The following CNTN4 variants were observed in gnomAD, a reference collection of about 807,000 sequenced individuals.
The protein encoded by CNTN4 is contactin 4, also known as contactin-4.
A neutral mutation model predicts 122.5 loss-of-function variants in CNTN4; 77 were observed. The ratio of observed to expected loss-of-function variants is 0.63; its 90% CI spans 0.52 to 0.76. The LOEUF (loss-of-function observed/expected upper bound fraction) is 0.76, where lower values mean the gene tolerates loss of function less well. Ranked by LOEUF, CNTN4 falls within the 30% of genes least tolerant of loss-of-function variation. The pLI is 0.00. For synonymous variants in CNTN4, 512 were observed against 447.0 expected (o/e 1.15, Z -1.83); for missense variants, 1,256 against 1,259.1 (o/e 1.00, Z 0.04).
At chr3:2,220,124 T>C (rs896191144) in intron 2 of CNTN4, among the ~76,000 whole-genome samples, 1 of 152,184 alleles carries the variant, frequency 6.6e-6, no homozygotes, top group African/African-American at 2.4e-5. Flanking sequence ...CATGTTCTTT[T>C]ACTTTCACTG....
intron 7 of CNTN4, among the ~76,000 whole-genome samples, chr3:2,830,084 C>G (rs1228006646): frequency 4.6e-5 from 7 of 152,062 alleles, no homozygotes; most frequent in Non-Finnish European, 1.5e-5. Flanking sequence ...AATTCTTTTT[C>G]TGTCTCCTTT....
At chr3:2,429,580 G>A (rs1299689716) in intron 3 of CNTN4, among the ~76,000 whole-genome samples, 2 of 152,200 alleles carry the variant, frequency 1.3e-5, no homozygotes, top group African/African-American at 4.8e-5. Context: ...CAAACTCCGT[G>A]CTGGGAGAAC....
intron 3 of CNTN4, among the ~76,000 whole-genome samples, chr3:2,374,429 T>G (rs1455800401): frequency 6.6e-6 from 1 of 152,166 alleles, no homozygotes; most frequent in Non-Finnish European, 1.5e-5. Flanking sequence ...ATATTAAGAG[T>G]TTAACTTAAA....
intron 2 of CNTN4, among the ~76,000 whole-genome samples, chr3:2,174,731 C>T (rs970119177): frequency 3.3e-5 from 5 of 152,138 alleles, no homozygotes; most frequent in African/African-American, 4.8e-5. Flanking sequence ...AATTGACTCA[C>T]AGTTCTGCAA....
chr3:2,266,163 C>G (rs955038681), intron 2 of CNTN4, among the ~76,000 whole-genome samples: 4 of 152,030 alleles, frequency 2.6e-5, no homozygotes, highest in African/African-American at 9.7e-5. Context: ...GGAAGGCTTT[C>G]AATTTTACCC....
At chr3:2,197,818 C>T (rs1290613058) in intron 2 of CNTN4, among the ~76,000 whole-genome samples, 1 of 152,050 alleles carries the variant, frequency 6.6e-6, no homozygotes, top group African/African-American at 2.4e-5. Context: ...GAGTTCAAGA[C>T]CAATCTGGCC....
chr3:2,372,931 C>T (rs2045685031), intron 3 of CNTN4, among the ~76,000 whole-genome samples: 1 of 152,038 alleles, frequency 6.6e-6, no homozygotes, highest in South Asian at 2.1e-4. Flanking sequence ...ACCTGTAGTC[C>T]CGTTACTTGG....
At position 2,967,242 on chromosome 3, in the gene CNTN4, T is replaced by C. The variant is rs1577435509; in HGVS notation, c.1359-21103T>C. On this transcript the variant is annotated intron_variant, in intron 13 of 24. Transcript: ENST00000418658. ...ACTGAGTCAGTTCCTGGGTGGGGGC[T>C]GTAAAATCAGATGAGCCAGTTTATT... 2.0e-5 allele frequency among the ~76,000 whole-genome samples: 3 copies of C among 152,186 alleles called. No individual in the cohort carries two copies. In the East Asian group the frequency reaches 5.8e-4, roughly 29 times the overall value.
intron 2 of CNTN4, among the ~76,000 whole-genome samples, chr3:2,273,295 C>G (rs1017370975): frequency 6.6e-6 from 1 of 152,148 alleles, no homozygotes; most frequent in Non-Finnish European, 1.5e-5. Context: ...CCACGTGTAA[C>G]TTTTCGAAGA....
chr3:2,793,960 G>T (rs1001322621), intron 6 of CNTN4, among the ~76,000 whole-genome samples: 2 of 151,796 alleles, frequency 1.3e-5, no homozygotes, highest in African/African-American at 4.8e-5. Context: ...TTACTAGTGG[G>T]CCATGATTAG....
intron 4 of CNTN4, among the ~76,000 whole-genome samples, chr3:2,674,556 A>G (rs555785437): frequency 2.0e-5 from 3 of 152,220 alleles, no homozygotes; most frequent in African/African-American, 7.2e-5. Context: ...CAGGAGTTCG[A>G]GACCAGCCTA....
intron 4 of CNTN4, among the ~76,000 whole-genome samples, chr3:2,593,387 C>A (rs887776421): frequency 6.6e-6 from 1 of 152,128 alleles, no homozygotes; most frequent in Non-Finnish European, 1.5e-5. Flanking sequence ...TAGGTAGATA[C>A]ATTGAGATTA....
chr3:2,120,354 T>TATATATATATATATAA (rs2033642901), intron 2 of CNTN4, among the ~76,000 whole-genome samples: 1 of 45,852 alleles, frequency 2.2e-5, no homozygotes, highest in African/African-American at 8.2e-5. Context: ...ATTTAGGTTA[T>TATATATATATATATAA]ATATATATAT....
At position 2,741,578 on chromosome 3, in the gene CNTN4, C is replaced by T. The variant is rs986965974; in HGVS notation, c.183-3944C>T. Among the ~76,000 whole-genome samples, 6 of 152,130 alleles carry T rather than the reference C, an allele frequency of 3.9e-5. No homozygotes were observed. The East Asian group carries it at 1.2e-3, about 29-fold the overall frequency. On this transcript the variant is annotated intron_variant, in intron 5 of 24. Coordinates refer to ENST00000418658, the MANE Select transcript of CNTN4 (RefSeq NM_175607.3). ...GGGCAAGCCAGAATGAATAGTTACT[C>T]TCCCTAGAATATATTAAACCCAAGG... is the stretch of plus-strand genomic sequence containing the variant.
chr3:2,316,629 A>G (rs1315748014), intron 2 of CNTN4, among the ~76,000 whole-genome samples: 2 of 152,292 alleles, frequency 1.3e-5, no homozygotes, highest in Non-Finnish European at 2.9e-5. Context: ...TCACATTGGT[A>G]TGACTTACAG....
intron 4 of CNTN4, among the ~76,000 whole-genome samples, chr3:2,726,157 AGTCTT>A (rs1240350411): frequency 1.3e-5 from 2 of 151,996 alleles, no homozygotes; most frequent in Non-Finnish European, 2.9e-5. Flanking sequence ...TCTATGTGGG[AGTCTT>A]TGGAAGCTCC....
chr3:2,776,561 T>C (rs1282311579), intron 6 of CNTN4, among the ~76,000 whole-genome samples: 5 of 152,120 alleles, frequency 3.3e-5, no homozygotes, highest in African/African-American at 9.7e-5. Context: ...GACTATCCAT[T>C]TTCTTTTACA....
intron 2 of CNTN4, among the ~76,000 whole-genome samples, chr3:2,124,149 C>G (rs761423040): frequency 6.6e-6 from 1 of 151,448 alleles, no homozygotes. Flanking sequence ...CCAGAAGTCA[C>G]GTAAAATTCC....
intron 3 of CNTN4, among the ~76,000 whole-genome samples, chr3:2,448,793 C>G (rs2048720766): frequency 6.6e-6 from 1 of 152,146 alleles, no homozygotes; most frequent in South Asian, 2.1e-4. Context: ...GTGTCCTCAC[C>G]TGTTAACTGA....
Sources: allele counts gnomAD v4.1 joint callset (sites outside exome capture counted in the v4.1 genomes callset), GRCh38; gene constraint gnomAD v4.1.1; transcripts MANE v1.5; gene names NCBI Gene and HGNC (gene_info 2026-07-23, HGNC 2026-07-21).